Variants in YEATS4 observed in about 807,000 individuals in gnomAD.
YEATS4 encodes YEATS domain-containing protein 4.
In YEATS4, 17 loss-of-function variants were observed where a neutral mutation model predicts 30.1. The observed-to-expected ratio is 0.56, with a 90% confidence interval of 0.39 to 0.85. The LOEUF (loss-of-function observed/expected upper bound fraction) is 0.85. Ranked by LOEUF, YEATS4 falls within the 40% of genes least tolerant of loss-of-function variation. YEATS4 has a pLI of 0.00. For synonymous variants in YEATS4, 85 were observed against 87.5 expected (o/e 0.97, Z 0.16); for missense variants, 142 against 268.3 (o/e 0.53, Z 3.29).
At chr12:69,378,248 G>T (rs1386467069) in intron 6 of YEATS4, among the ~76,000 whole-genome samples, 1 of 151,900 alleles carries the variant, frequency 6.6e-6, no homozygotes, top group Non-Finnish European at 1.5e-5. Flanking sequence ...GTCTACGTGT[G>T]TCTTTATAGG....
At chr12:69,399,356 A>G in the YEATS4 span, among the ~76,000 whole-genome samples, 1 of 152,242 alleles carries the variant, frequency 6.6e-6, no homozygotes, top group Non-Finnish European at 1.5e-5. Flanking sequence ...ATTTGAATAC[A>G]CATTTCTCCA....
chr12:69,373,873 G>T (rs1816705180), intron 6 of YEATS4, among the ~76,000 whole-genome samples: 1 of 152,106 alleles, frequency 6.6e-6, no homozygotes, highest in Non-Finnish European at 1.5e-5. Flanking sequence ...ACTATTTATT[G>T]AAGAGACCAT....
chr12:69,361,603 T>A (rs138496713), intron 1 of YEATS4, among the ~76,000 whole-genome samples: 36 of 150,674 alleles, frequency 2.4e-4, no homozygotes, highest in African/African-American at 8.4e-4. Flanking sequence ...TTTTCTTCAT[T>A]TTTATTGTTG....
intron 4 of YEATS4, among the ~76,000 whole-genome samples, chr12:69,368,757 G>A (rs761506083): frequency 3.9e-5 from 6 of 152,112 alleles, no homozygotes; most frequent in Non-Finnish European, 8.8e-5. Context: ...TTGGCTTTTG[G>A]CAACATATCT....
Position 69,390,132 on chromosome 12 carries a change from A to G in YEATS4, c.515-15A>G. On this transcript the variant is annotated splice_polypyrimidine_tract_variant and intron_variant, in intron 6 of 6. Coordinates refer to ENST00000247843, the MANE Select transcript of YEATS4 (RefSeq NM_006530.4). ...GTGAGAAAAATACTTTAGTAAAAGT[A>G]TTTGTTTTCTTTAGTTGCAGAGCTT... is the stretch of plus-strand genomic sequence containing the variant. 3.2e-6 allele frequency: 5 copies of G among 1,567,028 alleles called. No individual in the cohort carries two copies. Among genetic ancestry groups the G allele is most frequent in the Non-Finnish European group, 4.3e-6 (5 of 1,166,140 alleles).
the YEATS4 span, among the ~76,000 whole-genome samples, chr12:69,405,633 C>G: frequency 2.6e-5 from 4 of 152,202 alleles, no homozygotes; most frequent in Non-Finnish European, 5.9e-5. Flanking sequence ...TGATAACAGG[C>G]TGACTACTAA....
chr12:69,379,685 C>A (rs376948835), intron 6 of YEATS4, among the ~76,000 whole-genome samples: 1 of 148,710 alleles, frequency 6.7e-6, no homozygotes, highest in East Asian at 2.0e-4. Flanking sequence ...AAGCAGTCCT[C>A]CCTCCTTGGC....
chr12:69,380,705 C>T (rs1876040968), intron 6 of YEATS4, among the ~76,000 whole-genome samples: 1 of 152,184 alleles, frequency 6.6e-6, no homozygotes, highest in African/African-American at 2.4e-5. Flanking sequence ...GGGTGAAATT[C>T]ACCCCCAATA....
At chr12:69,396,613 A>G in the YEATS4 span, among the ~76,000 whole-genome samples, 3 of 152,162 alleles carry the variant, frequency 2.0e-5, no homozygotes, top group African/African-American at 7.2e-5. Context: ...TGTTCTCAAA[A>G]TTAATGAGAA....
chr12:69,376,624 G>A (rs934729137), intron 6 of YEATS4, among the ~76,000 whole-genome samples: 1 of 152,082 alleles, frequency 6.6e-6, no homozygotes, highest in Non-Finnish European at 1.5e-5. Context: ...GTTTTGTTAT[G>A]GATTTTTGCA....
At chr12:69,415,395 T>C in the YEATS4 span, among the ~76,000 whole-genome samples, 1 of 152,020 alleles carries the variant, frequency 6.6e-6, no homozygotes, top group Non-Finnish European at 1.5e-5. Flanking sequence ...GCCAACATGG[T>C]GAAACCCCAT....
the YEATS4 span, among the ~76,000 whole-genome samples, chr12:69,416,596 C>T: frequency 4.6e-5 from 7 of 152,174 alleles, no homozygotes; most frequent in East Asian, 1.3e-3. Flanking sequence ...GGGTCACATT[C>T]CTGCCCATCT....
chr12:69,393,091 T>C (rs1023021470), downstream of YEATS4, among the ~76,000 whole-genome samples: 1 of 152,224 alleles, frequency 6.6e-6, no homozygotes, highest in Non-Finnish European at 1.5e-5. Flanking sequence ...TTACCCCTAA[T>C]GTCTTCAGTT....
chr12:69,409,568 G>T, the YEATS4 span, among the ~76,000 whole-genome samples: 60 of 151,504 alleles, frequency 4.0e-4, no homozygotes, highest in Non-Finnish European at 1.3e-4. Context: ...AGTGAGCCGA[G>T]ATTGTGCCAC....
the YEATS4 span, among the ~76,000 whole-genome samples, chr12:69,412,149 C>G: frequency 6.6e-6 from 1 of 152,118 alleles, no homozygotes; most frequent in East Asian, 1.9e-4. Context: ...ATTCATTTGT[C>G]CAGCAAATAT....
chr12:69,385,869 AT>A (rs1276715620), intron 6 of YEATS4, among the ~76,000 whole-genome samples: 5 of 152,172 alleles, frequency 3.3e-5, no homozygotes, highest in African/African-American at 1.2e-4. Flanking sequence ...GATTAGCACC[AT>A]TTTGTAGGTA....
chr12:69,418,565 T>C, the YEATS4 span, among the ~76,000 whole-genome samples: 1 of 152,228 alleles, frequency 6.6e-6, no homozygotes, highest in East Asian at 1.9e-4. Context: ...AACATTCATT[T>C]GTCAACAAAG....
At chr12:69,415,392 T>A in the YEATS4 span, among the ~76,000 whole-genome samples, 3 of 152,118 alleles carry the variant, frequency 2.0e-5, no homozygotes, top group African/African-American at 4.8e-5. Context: ...CTGGCCAACA[T>A]GGTGAAACCC....
At chr12:69,360,904 A>G (rs1875175288) in intron 1 of YEATS4, among the ~76,000 whole-genome samples, 1 of 151,110 alleles carries the variant, frequency 6.6e-6, no homozygotes, top group South Asian at 2.1e-4. Context: ...TGCCTTAAAA[A>G]TTAACGTGCA....
Sources: gnomAD v4.1 joint callset for allele counts (sites outside exome capture counted in the v4.1 genomes callset) on GRCh38, gnomAD v4.1.1 for gene constraint, MANE v1.5 for transcripts, NCBI Gene and HGNC (gene_info 2026-07-23, HGNC 2026-07-21) for gene names.